YPEL5: variants seen among roughly 807,000 people sequenced by gnomAD.
YPEL5 encodes the protein yippee like 5.
Under a neutral mutation model 10.5 loss-of-function variants are expected in YPEL5, and 1 was observed. That is an observed-to-expected ratio of 0.10 (90% CI 0.03 to 0.45). The LOEUF is 0.45. YPEL5 is among the 20% of genes least tolerant of loss of function. The pLI, the probability that YPEL5 is intolerant of heterozygous loss-of-function variation, is 0.97. For missense variants in YPEL5, 68 were observed against 159.3 expected (o/e 0.43, Z 3.09); for synonymous variants, 61 against 56.6 (o/e 1.08, Z -0.35).
intron 1 of YPEL5, among the ~76,000 whole-genome samples, chr2:30,150,276 C>T (rs1014665937): frequency 2.0e-5 from 3 of 152,214 alleles, no homozygotes; most frequent in Non-Finnish European, 2.9e-5. Context: ...AGAAGATAAT[C>T]TAGTTTTACT....
At position 30,158,993 on chromosome 2, in the gene YPEL5, C is replaced by CTT; in HGVS notation, c.*152_*153dup. The CTT allele has an allele frequency of 1.3e-6, 1 of 756,368 alleles. No individual in the cohort carries two copies. 46.9% of individuals were successfully genotyped at this position (756,368 alleles called of 1,614,324 possible). ...TCTAAGATGGAACCTTTCTTTCTTT[C>CTT]TTTCTTTTTTTTTAAATTTTGTATT... On this transcript the variant is annotated 3_prime_UTR_variant, in exon 3 of 3. Coordinates refer to ENST00000261353, the MANE Select transcript of YPEL5 (RefSeq NM_016061.3).
At chr2:30,157,240 G>A (rs547415375) in intron 2 of YPEL5, among the ~76,000 whole-genome samples, 86 of 151,446 alleles carry the variant, frequency 5.7e-4, no homozygotes, top group African/African-American at 1.9e-3. Flanking sequence ...CCGAGATAGC[G>A]CCACTGCACT....
rs1362507864 is a variant in YPEL5, at chr2:30,160,004, G to C, written c.*1161G>C. 6.6e-6 allele frequency: 1 copy of C among 152,530 alleles called. No homozygotes were observed. Among genetic ancestry groups the C allele is most frequent in the Non-Finnish European group, 1.5e-5 (1 of 68,024 alleles). The allele number at this position is 152,530 out of a possible 1,614,324, so 9.4% of individuals were successfully genotyped here. On this transcript the variant is annotated 3_prime_UTR_variant, in exon 3 of 3. Coordinates refer to ENST00000261353, the MANE Select transcript of YPEL5 (RefSeq NM_016061.3). ...TGTACTTTGTACCCTCACATACAAA[G>C]GGATCAAATTTGACCTGGTGTTATT...
At chr2:30,152,740 G>A (rs1274766813) in intron 1 of YPEL5, among the ~76,000 whole-genome samples, 2 of 152,070 alleles carry the variant, frequency 1.3e-5, no homozygotes, top group Admixed American at 6.6e-5. Flanking sequence ...AATTAAATGC[G>A]GTATGTAAAT....
In YPEL5 at chr2:30,154,864, G is replaced by A. The variant is rs572515377; in HGVS notation, c.-24-1764G>A. 2.6e-5 allele frequency among the ~76,000 whole-genome samples: 4 copies of A among 152,186 alleles called. No individual in the cohort carries two copies. In the South Asian group the frequency reaches 6.2e-4, roughly 24 times the overall value. ...AGCCATTCTCCTGCCTCAGCCTCCC[G>A]AGTAGCTGAGACTACAGGCGTGCGC... On this transcript the variant is annotated intron_variant, in intron 1 of 2. Coordinates refer to ENST00000261353, the MANE Select transcript of YPEL5 (RefSeq NM_016061.3).
At chr2:30,152,571 G>T (rs1347535918) in intron 1 of YPEL5, among the ~76,000 whole-genome samples, 1 of 152,206 alleles carries the variant, frequency 6.6e-6, no homozygotes, top group East Asian at 1.9e-4. Context: ...GAAGCAGGAA[G>T]GGCTGATGGT....
intron 1 of YPEL5, 38 bp from the exon 2 acceptor site, chr2:30,156,589 AT>A (rs1254597647): frequency 6.3e-7 from 1 of 1,586,260 alleles, no homozygotes; most frequent in African/African-American, 1.4e-5. Flanking sequence ...TAACATGATT[AT>A]TATAATGCAT....
At chr2:30,147,828 T>G (rs112115382) in intron 1 of YPEL5, 2,671 of 153,592 alleles carry the variant, frequency 0.017, 39 homozygotes, top group Non-Finnish European at 0.026. Flanking sequence ...TCGTGTTTGT[T>G]GTGCCGAGGG....
At chr2:30,155,539 G>A (rs543999595) in intron 1 of YPEL5, among the ~76,000 whole-genome samples, 3 of 152,132 alleles carry the variant, frequency 2.0e-5, no homozygotes, top group African/African-American at 7.2e-5. Context: ...AAACACAGGC[G>A]CTGATAACTA....
In YPEL5 at chr2:30,152,965, A is replaced by AT. The variant is rs758722175; in HGVS notation, c.-24-3662dup. Among the ~76,000 whole-genome samples, 462 of 150,638 alleles carry AT rather than the reference A, an allele frequency of 3.1e-3. 3 individuals are homozygous for AT. The highest frequency in any genetic ancestry group is 5.4e-3 in the Non-Finnish European group (367 of 67,848). ...GCCCAGGCTGGAATGCAGTAGCACA[A>AT]TCTCAGCTCACTGCAAGCTCCGCCT... On this transcript the variant is annotated intron_variant, in intron 1 of 2. Transcript: ENST00000261353.
chr2:30,156,629 T>C lies in YPEL5; in HGVS notation c.-23T>C. 6.2e-7 allele frequency: 1 copy of C among 1,613,228 alleles called. No individual in the cohort carries two copies. The highest frequency in any genetic ancestry group is 1.3e-5 in the African/African-American group (1 of 74,888). The stretch of plus-strand genomic sequence containing the variant: ...TTATCCTTTTCTATTTGCTCCTAGG[T>C]TTTTAGAACTTCAGCCATAAAAATG... On this transcript the variant is annotated splice_region_variant and 5_prime_UTR_variant, in exon 2 of 3. Transcript: ENST00000261353.
intron 1 of YPEL5, chr2:30,155,687 A>G (rs1048453312): frequency 6.6e-6 from 1 of 152,208 alleles, no homozygotes; most frequent in Non-Finnish European, 1.5e-5. Context: ...TAACTTTTGA[A>G]TGTTATAAAG....
At chr2:30,147,127 C>A in intron 1 of YPEL5, 65 bp downstream of exon 1, 1 of 152,350 alleles carries the variant, frequency 6.6e-6, no homozygotes, top group Non-Finnish European at 1.5e-5. Context: ...TCGGGTCGGG[C>A]GGCTTCGAGG....
chr2:30,150,445 A>G (rs996811606), intron 1 of YPEL5, among the ~76,000 whole-genome samples: 1 of 152,204 alleles, frequency 6.6e-6, no homozygotes, highest in African/African-American at 2.4e-5. Flanking sequence ...ATTAAGGGGG[A>G]AGAGCTGAGA....
At chr2:30,155,165 A>T (rs1675987785) in intron 1 of YPEL5, among the ~76,000 whole-genome samples, 1 of 152,166 alleles carries the variant, frequency 6.6e-6, no homozygotes, top group South Asian at 2.1e-4. Context: ...TTATAGCTTA[A>T]GTCTGTGTTT....
At chr2:30,155,540 C>T (rs1368662902) in intron 1 of YPEL5, among the ~76,000 whole-genome samples, 2 of 152,154 alleles carry the variant, frequency 1.3e-5, no homozygotes, top group Non-Finnish European at 2.9e-5. Flanking sequence ...AACACAGGCG[C>T]TGATAACTAT....
At chr2:30,150,821 T>G (rs893349490) in intron 1 of YPEL5, among the ~76,000 whole-genome samples, 6 of 152,210 alleles carry the variant, frequency 3.9e-5, no homozygotes, top group African/African-American at 1.4e-4. Flanking sequence ...AAAAAATATT[T>G]TAAACTTTGC....
chr2:30,159,089 C>T lies in YPEL5; in HGVS notation c.*246C>T. The T allele has an allele frequency of 2.0e-6, 1 of 488,450 alleles. No homozygotes were observed. 30.3% of individuals were successfully genotyped at this position (488,450 alleles called of 1,614,324 possible). On this transcript the variant is annotated 3_prime_UTR_variant, in exon 3 of 3. Coordinates refer to ENST00000261353, the MANE Select transcript of YPEL5 (RefSeq NM_016061.3). ...TTAATTTTTTACCCTATGTTTACATCTTGAGGCAGCAGAGTCTGTCTGCAG... is the reference window on the plus strand; with the variant it reads ...TTAATTTTTTACCCTATGTTTACATTTTGAGGCAGCAGAGTCTGTCTGCAG...
At position 30,149,755 on chromosome 2, in the gene YPEL5, G is replaced by T. The variant is rs377717430; in HGVS notation, c.-25+2693G>T. Among the ~76,000 whole-genome samples, 5 of 152,336 alleles carry T rather than the reference G, an allele frequency of 3.3e-5. No individual in the cohort carries two copies. In the East Asian group the frequency reaches 9.6e-4, roughly 29 times the overall value. On this transcript the variant is annotated intron_variant, in intron 1 of 2. Transcript: ENST00000261353. ...TCTGCGCTAGATGCCTGCATACTCA[G>T]TTCCCTGCAGCAGTCTTTGTACCTT...
Sources: allele counts gnomAD v4.1 joint callset (sites outside exome capture counted in the v4.1 genomes callset), GRCh38; gene constraint gnomAD v4.1.1; transcripts MANE v1.5; gene names NCBI Gene and HGNC (gene_info 2026-07-23, HGNC 2026-07-21).